ARB2A: variants seen among roughly 807,000 people sequenced by gnomAD.
ARB2A encodes ARB2 cotranscriptional regulator A, also known as cotranscriptional regulator ARB2A.
the ARB2A span, among the ~76,000 whole-genome samples, chr5:93,648,339 A>T: frequency 6.6e-6 from 1 of 152,176 alleles, no homozygotes; most frequent in African/African-American, 2.4e-5. Flanking sequence ...AAACATAAGA[A>T]TATGATTAAA....
the ARB2A span, among the ~76,000 whole-genome samples, chr5:93,962,266 C>T: frequency 7.2e-5 from 11 of 152,230 alleles, no homozygotes; most frequent in Non-Finnish European, 1.6e-4. Context: ...CTCGTGAACA[C>T]CATTAATTGC....
the ARB2A span, among the ~76,000 whole-genome samples, chr5:93,625,071 C>T: frequency 5.3e-5 from 8 of 152,122 alleles, no homozygotes; most frequent in East Asian, 3.9e-4. Flanking sequence ...AATAAGCATA[C>T]CTGTATCAGC....
chr5:93,787,841 G>C, the ARB2A span, among the ~76,000 whole-genome samples: 1 of 152,162 alleles, frequency 6.6e-6, no homozygotes, highest in African/African-American at 2.4e-5. Flanking sequence ...AATCAGCCAG[G>C]AGGAGAAACT....
At chr5:93,729,526 G>C in the ARB2A span, among the ~76,000 whole-genome samples, 2 of 152,134 alleles carry the variant, frequency 1.3e-5, no homozygotes, top group African/African-American at 4.8e-5. Context: ...TCATCATTTT[G>C]CTTGTTGTGT....
At chr5:93,751,321 G>C in the ARB2A span, among the ~76,000 whole-genome samples, 1 of 152,118 alleles carries the variant, frequency 6.6e-6, no homozygotes, top group Non-Finnish European at 1.5e-5. Context: ...ACAATATATT[G>C]AATAGTTACG....
At chr5:93,801,736 A>G in the ARB2A span, among the ~76,000 whole-genome samples, 1 of 152,172 alleles carries the variant, frequency 6.6e-6, no homozygotes, top group African/African-American at 2.4e-5. Context: ...CTCAGAAAAA[A>G]AATTCCACCC....
the ARB2A span, among the ~76,000 whole-genome samples, chr5:93,990,007 A>G: frequency 6.6e-6 from 1 of 152,204 alleles, no homozygotes. Context: ...ATAATCAAGG[A>G]AACACATTAA....
the ARB2A span, among the ~76,000 whole-genome samples, chr5:93,946,874 T>C: frequency 6.6e-6 from 1 of 152,168 alleles, no homozygotes; most frequent in South Asian, 2.1e-4. Flanking sequence ...GATTTATGCT[T>C]TTACTCTCAA....
chr5:93,986,898 G>A, the ARB2A span, among the ~76,000 whole-genome samples: 6 of 152,048 alleles, frequency 3.9e-5, no homozygotes, highest in Non-Finnish European at 1.5e-5. Context: ...AGGGTCCTCT[G>A]CCTAGGAAAA....
chr5:93,843,417 CTT>C, the ARB2A span, among the ~76,000 whole-genome samples: 520 of 120,570 alleles, frequency 4.3e-3, 1 homozygote, highest in African/African-American at 0.013. Context: ...AACAAGGATA[CTT>C]TTTTTTTTTT....
chr5:93,623,146 C>CGTGT, the ARB2A span, among the ~76,000 whole-genome samples: 6 of 151,486 alleles, frequency 4.0e-5, no homozygotes, highest in Admixed American at 3.3e-4. Context: ...AATAACTACA[C>CGTGT]AGTTGCACTT....
chr5:93,725,069 T>C, the ARB2A span, among the ~76,000 whole-genome samples: 16 of 152,018 alleles, frequency 1.1e-4, no homozygotes, highest in African/African-American at 3.6e-4. Context: ...CTACTTAGAA[T>C]GATGCACAAC....
At chr5:94,000,110 T>C in the ARB2A span, among the ~76,000 whole-genome samples, 1 of 152,136 alleles carries the variant, frequency 6.6e-6, no homozygotes, top group Non-Finnish European at 1.5e-5. Context: ...CAATTATGAA[T>C]AAATCTACTA....
chr5:93,638,184 A>G, the ARB2A span, among the ~76,000 whole-genome samples: 1 of 152,176 alleles, frequency 6.6e-6, no homozygotes, highest in Non-Finnish European at 1.5e-5. Flanking sequence ...CACTGTAGTA[A>G]GCTGTAACTG....
chr5:93,918,077 T>C, the ARB2A span, among the ~76,000 whole-genome samples: 2 of 152,198 alleles, frequency 1.3e-5, no homozygotes, highest in Non-Finnish European at 2.9e-5. Context: ...CCTAATTTCA[T>C]ACCTGAATAC....
At chr5:93,844,884 T>C in the ARB2A span, among the ~76,000 whole-genome samples, 4 of 152,218 alleles carry the variant, frequency 2.6e-5, no homozygotes, top group Non-Finnish European at 1.5e-5. Flanking sequence ...CCACATACTG[T>C]TGAGATTCGT....
the ARB2A span, chr5:93,824,129 G>A: frequency 6.4e-7 from 1 of 1,554,242 alleles, no homozygotes. Context: ...GAACTACAGA[G>A]AGTAAAATAA....
the ARB2A span, among the ~76,000 whole-genome samples, chr5:93,709,283 C>A: frequency 6.6e-6 from 1 of 151,956 alleles, no homozygotes; most frequent in Admixed American, 6.6e-5. Context: ...TTGGTAGATA[C>A]TAAAATTCTT....
chr5:93,922,150 AAAAGCCATG>A, the ARB2A span, among the ~76,000 whole-genome samples: 1 of 152,202 alleles, frequency 6.6e-6, no homozygotes, highest in South Asian at 2.1e-4. Flanking sequence ...TTGTTACAGA[AAAAGCCATG>A]AAAGCCATCA....
Sources: allele counts gnomAD v4.1 joint callset (sites outside exome capture counted in the v4.1 genomes callset), GRCh38; gene constraint gnomAD v4.1.1; transcripts MANE v1.5; gene names NCBI Gene and HGNC (gene_info 2026-07-23, HGNC 2026-07-21).